TOLLIP: variants seen among roughly 807,000 people sequenced by gnomAD.
The protein encoded by TOLLIP is toll interacting protein.
TOLLIP carries 16 observed loss-of-function variants against 33.5 expected under a neutral mutation model. The observed-to-expected ratio is 0.48, with a 90% CI of 0.32 to 0.72. The LOEUF is 0.72. Ranked by LOEUF, TOLLIP falls within the 30% of genes least tolerant of loss-of-function variation. TOLLIP has a pLI of 0.03. For missense variants in TOLLIP, 325 were observed against 396.6 expected (o/e 0.82, Z 1.53); for synonymous variants, 176 against 163.7 (o/e 1.07, Z -0.57).
rs1294287274 is a variant in TOLLIP, at chr11:1,275,024, G to A, written c.*2015C>T. 6.6e-6 allele frequency: 1 copy of A among 152,208 alleles called. No homozygotes were observed. Among genetic ancestry groups the A allele is most frequent in the East Asian group, 1.9e-4 (1 of 5,198 alleles). 9.4% of individuals were successfully genotyped at this position (152,208 alleles called of 1,614,324 possible). On this transcript the variant is annotated 3_prime_UTR_variant, in exon 6 of 6. Coordinates refer to ENST00000317204, the MANE Select transcript of TOLLIP (RefSeq NM_019009.4). ...AGAATCTTATTTAATTAAAGGCCTT[G>A]CAAAATGTGATTTGTCTATTAAAAA...
chr11:1,290,441 T>TGGGTTCTCTAG lies in TOLLIP; in HGVS notation c.184-33_184-32insCTAGAGAACCC. Reference sequence around the variant, plus strand: ...TGAAGCCAATGTCAGGAAAAGGAGGTGCCAACCATCAGGAGAGGGTGGGTT... The same window carrying TGGGTTCTCTAG: ...TGAAGCCAATGTCAGGAAAAGGAGGTGGGTTCTCTAGGCCAACCATCAGGAGAGGGTGGGTT... On this transcript the variant is annotated intron_variant, in intron 2 of 5. Transcript: ENST00000317204. The surrounding 1 kb of genome is among the most constrained non-coding windows in gnomAD (Gnocchi z 4.9). The TGGGTTCTCTAG allele has an allele frequency of 1.2e-6, 2 of 1,604,634 alleles. No individual in the cohort carries two copies. The highest frequency in any genetic ancestry group is 3.3e-5 in the Admixed American group (2 of 59,854).
chr11:1,309,375 G>A (rs1284361779), intron 1 of TOLLIP, 91 bp downstream of exon 1: 6 of 745,716 alleles, frequency 8.0e-6, no homozygotes, highest in Non-Finnish European at 9.0e-6. Flanking sequence ...GAGTCGGCCC[G>A]CCAGCCGCAG....
chr11:1,293,605 G>A (rs538925553), intron 2 of TOLLIP, among the ~76,000 whole-genome samples: 14 of 152,360 alleles, frequency 9.2e-5, no homozygotes, highest in South Asian at 6.2e-4. Context: ...CTGGAGCTGC[G>A]CCACAGAAGG....
intron 2 of TOLLIP, chr11:1,291,999 T>C (rs908225): frequency 0.68 from 103,844 of 152,208 alleles, 35,740 homozygotes; most frequent in Middle Eastern, 0.71. Flanking sequence ...TCACTTCTAA[T>C]CAAAGCTGTG....
intron 1 of TOLLIP, among the ~76,000 whole-genome samples, chr11:1,301,976 T>C (rs1434610408): frequency 2.0e-5 from 3 of 152,174 alleles, no homozygotes; most frequent in African/African-American, 2.4e-5. Context: ...AGGACTCACA[T>C]AGAACAGCAC....
chr11:1,280,927 C>G lies in TOLLIP; in HGVS notation c.611-3674G>C, dbSNP rs182713922. 2.2e-3 allele frequency among the ~76,000 whole-genome samples: 335 copies of G among 152,338 alleles called. 5 individuals are homozygous for G. The highest frequency in any genetic ancestry group is 7.6e-3 in the African/African-American group (318 of 41,584). Reference sequence around the variant, plus strand: ...GGGCTGAGGCCCAGTGGCACCCGCGCTGGTCTCTCACGCACGAAGAACGCA... The same window carrying G: ...GGGCTGAGGCCCAGTGGCACCCGCGGTGGTCTCTCACGCACGAAGAACGCA... On this transcript the variant is annotated intron_variant, in intron 5 of 5. Transcript: ENST00000317204.
chr11:1,277,002 C>T lies in TOLLIP; in HGVS notation c.*37G>A. On this transcript the variant is annotated 3_prime_UTR_variant, in exon 6 of 6. Transcript: ENST00000317204. This position sits in a 1 kb window ranked among gnomAD's most constrained non-coding sequence, Gnocchi z 4.2. ...TTGGGGAGCGCCGGGTCGGCGTGTC[C>T]AAAGAGCGGGGGCAAAACGGCATCG... 6.2e-7 allele frequency: 1 copy of T among 1,602,626 alleles called. No individual in the cohort carries two copies. Among genetic ancestry groups the T allele is most frequent in the Non-Finnish European group, 8.5e-7 (1 of 1,171,420 alleles).
intron 1 of TOLLIP, among the ~76,000 whole-genome samples, chr11:1,304,997 A>G (rs1864388968): frequency 6.6e-6 from 1 of 152,244 alleles, no homozygotes; most frequent in Admixed American, 6.5e-5. Context: ...GTCTTAAACA[A>G]AAGTTTTCAG....
chr11:1,299,043 C>T (rs5743924), intron 1 of TOLLIP, among the ~76,000 whole-genome samples: 9,433 of 152,270 alleles, frequency 0.062, 333 homozygotes, highest in Admixed American at 0.11. Context: ...CTGGAGCCAA[C>T]AGTCATGCCC....
chr11:1,303,005 A>G lies in TOLLIP; in HGVS notation c.33+6461T>C, dbSNP rs953437526. On this transcript the variant is annotated intron_variant, in intron 1 of 5. Transcript: ENST00000317204. This position sits in a 1 kb window ranked among gnomAD's most constrained non-coding sequence, Gnocchi z 4.2. The stretch of plus-strand genomic sequence containing the variant: ...ACACAACAGGCGCTTCAAAGCCAAC[A>G]TGCCGGGAGGTTCCCTGGCTCTGCT... Among the ~76,000 whole-genome samples, 1 of 152,202 alleles carries G rather than the reference A, an allele frequency of 6.6e-6. No homozygotes were observed. The highest frequency in any genetic ancestry group is 1.5e-5 in the Non-Finnish European group (1 of 68,032).
At chr11:1,279,662 G>A (rs1863432412) in intron 5 of TOLLIP, among the ~76,000 whole-genome samples, 1 of 152,230 alleles carries the variant, frequency 6.6e-6, no homozygotes, top group South Asian at 2.1e-4. Context: ...CACAGGACAG[G>A]CCCCACCTCA....
rs1334445574 is a variant in TOLLIP, at chr11:1,277,054, C to A, written c.810G>T (p.Met270Ile). 3.1e-6 allele frequency: 5 copies of A among 1,613,816 alleles called. No individual in the cohort carries two copies. Among genetic ancestry groups the A allele is most frequent in the Admixed American group, 1.7e-5 (1 of 59,990 alleles). Residue 270 changes from methionine (M) to isoleucine (I), a missense_variant, in exon 6 of 6, where the codon ATG becomes ATT. Met to Ile is a conservative substitution (Grantham distance 10). Transcript: ENST00000317204. This position sits in a 1 kb window ranked among gnomAD's most constrained non-coding sequence, Gnocchi z 4.2. ...KDAAINSLLQ[M>I]GEEP The stretch of plus-strand genomic sequence containing the variant: ...GGCAGAGGCTCTATGGCTCCTCCCC[C>A]ATCTGCAGCAGGGAGTTGATGGCGG...
chr11:1,302,799 A>C, intron 1 of TOLLIP: 1 of 985,550 alleles, frequency 1.0e-6, no homozygotes, highest in Middle Eastern at 5.2e-4. Context: ...GTGGACGGGC[A>C]GTGGTGACTT....
At chr11:1,284,040 C>A (rs1381549483) in intron 5 of TOLLIP, among the ~76,000 whole-genome samples, 4 of 152,234 alleles carry the variant, frequency 2.6e-5, no homozygotes, top group African/African-American at 4.8e-5. Context: ...GACGGCGGCT[C>A]TGGGCTGTCC....
At chr11:1,285,574 G>A (rs1311332619) in intron 5 of TOLLIP, among the ~76,000 whole-genome samples, 1 of 152,182 alleles carries the variant, frequency 6.6e-6, no homozygotes, top group East Asian at 1.9e-4. Context: ...AGGAGCGTGA[G>A]GTTCAGACAC....
Position 1,277,349 on chromosome 11 carries a change from C to A in TOLLIP, c.611-96G>T. ...GGAAGAAAACAACGCATCCCACCGGCCTCCCTGAGGAAGGGGCCACCTCGG... is the reference window on the plus strand; with the variant it reads ...GGAAGAAAACAACGCATCCCACCGGACTCCCTGAGGAAGGGGCCACCTCGG... On this transcript the variant is annotated intron_variant, in intron 5 of 5. Transcript: ENST00000317204. This position sits in a 1 kb window ranked among gnomAD's most constrained non-coding sequence, Gnocchi z 4.2. The A allele has an allele frequency of 9.4e-7, 1 of 1,066,400 alleles. No homozygotes were observed. The highest frequency in any genetic ancestry group is 1.3e-6 in the Non-Finnish European group (1 of 766,036). 66.1% of individuals were successfully genotyped at this position (1,066,400 alleles called of 1,614,324 possible). A position where few individuals can be genotyped will look rare whatever the true frequency, so the allele number is the denominator to read the frequency against.
At chr11:1,285,896 G>A (rs1162746168) in intron 5 of TOLLIP, 106 bp downstream of exon 5, 1 of 754,970 alleles carries the variant, frequency 1.3e-6, no homozygotes, top group East Asian at 2.9e-5. Flanking sequence ...TAGAATGGAT[G>A]ACGTCCCCAC....
chr11:1,286,332 C>T (rs964556228), intron 4 of TOLLIP, among the ~76,000 whole-genome samples: 1 of 152,214 alleles, frequency 6.6e-6, no homozygotes, highest in Admixed American at 6.5e-5. Context: ...TACAGACCCC[C>T]TTCTAACTGG....
chr11:1,295,677 T>C lies in TOLLIP; in HGVS notation c.151A>G (p.Thr51Ala), dbSNP rs762377396. 6.2e-7 allele frequency: 1 copy of C among 1,603,088 alleles called. No individual in the cohort carries two copies. The highest frequency in any genetic ancestry group is 8.5e-7 in the Non-Finnish European group (1 of 1,172,688). The stretch of plus-strand genomic sequence containing the variant: ...ACCGTGATGTTCAGTCGGCCCACGG[T>C]GCCCACTGCGCCTCCGTACTGCAGC... ...QQLQYGGAVG[T>A]VGRLNITVVQ... The change falls in exon 2 of 6, where the codon ACC (threonine) becomes GCC (alanine). Residue 51 changes from threonine (T) to alanine (A), a missense_variant. By Grantham distance (58) the Thr-to-Ala change is moderately conservative. Transcript: ENST00000317204.
Sources: allele counts gnomAD v4.1 joint callset (sites outside exome capture counted in the v4.1 genomes callset), GRCh38; gene constraint gnomAD v4.1.1; non-coding constraint Gnocchi (gnomAD v3.1); transcripts MANE v1.5; gene names NCBI Gene and HGNC (gene_info 2026-07-23, HGNC 2026-07-21).